DOP1A: variants seen among roughly 807,000 people sequenced by gnomAD.
DOP1A encodes the protein DOP1 leucine zipper like protein A, also known as protein DOP1A.
A neutral mutation model predicts 267.6 loss-of-function variants in DOP1A; 90 were observed. The ratio of observed to expected loss-of-function variants is 0.34; its 90% CI spans 0.28 to 0.40. The LOEUF (loss-of-function observed/expected upper bound fraction) is 0.40, where lower values mean the gene tolerates loss of function less well. DOP1A is among the 10% of genes least tolerant of loss of function. DOP1A has a pLI of 1.00. For missense variants in DOP1A, 2,437 were observed against 2,900.4 expected (o/e 0.84, Z 3.67); for synonymous variants, 932 against 999.1 (o/e 0.93, Z 1.27).
At chr6:83,151,555 G>C (rs1448193486) in intron 27 of DOP1A, 38 bp from the exon 28 acceptor site, 6 of 1,542,502 alleles carry the variant, frequency 3.9e-6, no homozygotes, top group Non-Finnish European at 5.3e-6. Context: ...CTTTTAGCCT[G>C]ATATTTCCCG....
Position 83,138,852 on chromosome 6 carries a change from G to A in DOP1A, c.4810G>A (p.Glu1604Lys). The A allele has an allele frequency of 1.2e-6, 2 of 1,614,046 alleles. No individual in the cohort carries two copies. The highest frequency in any genetic ancestry group is 1.7e-6 in the Non-Finnish European group (2 of 1,179,942). ...AGTAATGACTATTCCTGAAGAGAAT[G>A]AAACAGGTTTTGATTTTGTTGTATC... is the stretch of plus-strand genomic sequence containing the variant. ...HRVMTIPEEN[E>K]TGFDFVVSDL... Residue 1604 changes from glutamate to lysine, a missense_variant, in exon 21 of 39, where the codon GAA becomes AAA. Coordinates refer to ENST00000349129, the MANE Select transcript of DOP1A (RefSeq NM_015018.4).
intron 1 of DOP1A, among the ~76,000 whole-genome samples, chr6:83,070,916 C>G (rs908256952): frequency 6.6e-6 from 1 of 152,114 alleles, no homozygotes; most frequent in Non-Finnish European, 1.5e-5. Flanking sequence ...ATTAATATTT[C>G]TTTATATCAA....
intron 34 of DOP1A, 41 bp downstream of exon 34, chr6:83,156,144 GT>G: frequency 3.2e-6 from 5 of 1,539,530 alleles, no homozygotes; most frequent in Admixed American, 1.9e-5. Context: ...CTAACTACAG[GT>G]TTTTGGTTCC....
At position 83,121,297 on chromosome 6, in the gene DOP1A, T is replaced by G. The variant is rs151099488; in HGVS notation, c.1099+506T>G. 6.6e-5 allele frequency among the ~76,000 whole-genome samples: 10 copies of G among 151,886 alleles called. No individual in the cohort carries two copies. In the East Asian group the frequency reaches 1.7e-3, roughly 26 times the overall value. ...TCATAAAGTATGTAATTTCTTCAAATTATATACAGATGTTTTAGCAGGTGT... is the reference window on the plus strand; with the variant it reads ...TCATAAAGTATGTAATTTCTTCAAAGTATATACAGATGTTTTAGCAGGTGT... On this transcript the variant is annotated intron_variant, in intron 10 of 38. Transcript: ENST00000349129.
At chr6:83,070,080 A>C (rs1212180762) in intron 1 of DOP1A, among the ~76,000 whole-genome samples, 1 of 152,240 alleles carries the variant, frequency 6.6e-6, no homozygotes, top group East Asian at 1.9e-4. Flanking sequence ...TGTCACTAGT[A>C]CACCACCAGT....
chr6:83,117,185 C>G (rs1250216264), intron 7 of DOP1A, among the ~76,000 whole-genome samples: 4 of 142,024 alleles, frequency 2.8e-5, no homozygotes, highest in East Asian at 2.1e-4. Context: ...GAGTCTTTCT[C>G]TGTCACCTAG....
At chr6:83,115,970 T>C (rs1775370907) in intron 7 of DOP1A, among the ~76,000 whole-genome samples, 1 of 152,204 alleles carries the variant, frequency 6.6e-6, no homozygotes, top group Non-Finnish European at 1.5e-5. Context: ...CTCAAATGTT[T>C]TAGTTGTAGA....
chr6:83,143,828 T>G (rs1202603662), intron 24 of DOP1A, among the ~76,000 whole-genome samples: 2 of 151,980 alleles, frequency 1.3e-5, no homozygotes, highest in Non-Finnish European at 2.9e-5. Context: ...AATAATACAA[T>G]AAAAGTCCTC....
chr6:83,147,393 G>C, intron 26 of DOP1A, 102 bp downstream of exon 26: 1 of 510,560 alleles, frequency 2.0e-6, no homozygotes, highest in South Asian at 6.1e-5. Context: ...TAACGACCCA[G>C]CCATGTATAT....
At chr6:83,069,403 T>C (rs1054268418) in intron 1 of DOP1A, among the ~76,000 whole-genome samples, 13 of 152,110 alleles carry the variant, frequency 8.5e-5, no homozygotes, top group Admixed American at 7.9e-4. Flanking sequence ...TCCAGAAGGT[T>C]ATCCTAGCAT....
In DOP1A at chr6:83,135,887, C is replaced by A; in HGVS notation, c.3130+9C>A. On this transcript the variant is annotated intron_variant, in intron 20 of 38. Transcript: ENST00000349129. Reference sequence around the variant, plus strand: ...TTTTGCCTGCAGCAATGGTGAATAACACATAGAAGTAGACAGCTTTATTTA... The same window carrying A: ...TTTTGCCTGCAGCAATGGTGAATAAAACATAGAAGTAGACAGCTTTATTTA... The A allele has an allele frequency of 6.2e-7, 1 of 1,612,632 alleles. No homozygotes were observed. Among genetic ancestry groups the A allele is most frequent in the South Asian group, 1.1e-5 (1 of 90,984 alleles).
rs1264214094 is a variant in DOP1A, at chr6:83,158,599, CACT to C, written c.6775_6777del (p.Thr2259del). ...TATTTTTACTGATGGAGCAGGAACT[CACT>C]GCTGATGAAGATATTTCACGGTAAT... On this transcript the variant is annotated inframe_deletion, in exon 36 of 39. Coordinates refer to ENST00000349129, the MANE Select transcript of DOP1A (RefSeq NM_015018.4). 6.2e-7 allele frequency: 1 copy of C among 1,607,576 alleles called. No individual in the cohort carries two copies. The highest frequency in any genetic ancestry group is 8.5e-7 in the Non-Finnish European group (1 of 1,176,264).
At chr6:83,135,424 G>GT (rs1298597565) in intron 19 of DOP1A, among the ~76,000 whole-genome samples, 195 bp from the exon 20 acceptor site, 1 of 151,334 alleles carries the variant, frequency 6.6e-6, no homozygotes, top group African/African-American at 2.4e-5. Context: ...AGGGCAAAAG[G>GT]TTTTTTTCCT....
chr6:83,085,444 G>T (rs947950799), intron 1 of DOP1A, among the ~76,000 whole-genome samples: 3 of 152,154 alleles, frequency 2.0e-5, no homozygotes, highest in African/African-American at 7.2e-5. Context: ...TAAGAGTTTG[G>T]CCCCAGGCAG....
rs148772252 is a variant in DOP1A at position 83,125,637 on chromosome 6, C to T, written c.1623C>T (p.Ser541=). The T allele has an allele frequency of 3.1e-6, 5 of 1,613,830 alleles. No individual in the cohort carries two copies. In the African/African-American group the frequency reaches 6.7e-5, roughly 22 times the overall value. The change falls in exon 15 of 39, where the codon AGC becomes AGT. Residue 541 remains serine, a synonymous_variant. Coordinates refer to ENST00000349129, the MANE Select transcript of DOP1A (RefSeq NM_015018.4). ...DSLRLCSKIL[S]KVQPPLLSAS... Reference sequence around the variant, plus strand: ...TCAGACTCTGCTCAAAGATCCTTAGCAAGGTTCAGCCTCCACTGTTATCTG... The same window carrying T: ...TCAGACTCTGCTCAAAGATCCTTAGTAAGGTTCAGCCTCCACTGTTATCTG...
chr6:83,092,946 G>A (rs1770725971), intron 1 of DOP1A, among the ~76,000 whole-genome samples: 1 of 152,132 alleles, frequency 6.6e-6, no homozygotes, highest in African/African-American at 2.4e-5. Context: ...AATTTTTCAT[G>A]TAATATTTCC....
chr6:83,169,039 T>G, downstream of DOP1A: 1 of 1,371,738 alleles, frequency 7.3e-7, no homozygotes, highest in Non-Finnish European at 9.4e-7. Flanking sequence ...AGAGGTAAAT[T>G]TCTTTAACAA....
At chr6:83,085,657 A>G (rs1413381543) in intron 1 of DOP1A, among the ~76,000 whole-genome samples, 2 of 152,198 alleles carry the variant, frequency 1.3e-5, no homozygotes, top group Non-Finnish European at 2.9e-5. Flanking sequence ...TATTTAGGGT[A>G]TAGCTAAGAT....
At chr6:83,158,727 T>A in intron 36 of DOP1A, 105 bp downstream of exon 36, 3 of 766,750 alleles carry the variant, frequency 3.9e-6, no homozygotes, top group Non-Finnish European at 6.3e-6. Flanking sequence ...TGAATACTTA[T>A]TTATTATTAT....
Sources: allele counts gnomAD v4.1 joint callset (sites outside exome capture counted in the v4.1 genomes callset), GRCh38; gene constraint gnomAD v4.1.1; transcripts MANE v1.5; gene names NCBI Gene and HGNC (gene_info 2026-07-23, HGNC 2026-07-21).